The following DPP6 variants were observed in gnomAD, a reference collection of about 807,000 sequenced individuals.
DPP6 encodes A-type potassium channel modulatory protein DPP6.
A neutral mutation model predicts 122.6 loss-of-function variants in DPP6; 69 were observed. The ratio of observed to expected loss-of-function variants is 0.56; its 90% CI spans 0.46 to 0.69. The LOEUF is 0.69. DPP6 is among the 30% of genes least tolerant of loss of function. The pLI is 0.00. For missense variants in DPP6, 928 were observed against 1,116.9 expected (o/e 0.83, Z 2.41); for synonymous variants, 418 against 433.1 (o/e 0.97, Z 0.43).
upstream of DPP6, among the ~76,000 whole-genome samples, chr7:154,050,834 A>G (rs58597627): frequency 0.19 from 25,019 of 134,688 alleles, 2,590 homozygotes; most frequent in African/African-American, 0.22. Flanking sequence ...TTCATAGTAA[A>G]GGGTAACTAC....
chr7:154,161,567 AC>A (rs2150708793), intron 1 of DPP6, among the ~76,000 whole-genome samples: 1 of 141,648 alleles, frequency 7.1e-6, no homozygotes, highest in African/African-American at 2.7e-5. Flanking sequence ...TGCAGAAAGC[AC>A]ACCTCTGTGA....
At chr7:153,899,777 AGT>A (rs1486067338) in intron 1 of DPP6, among the ~76,000 whole-genome samples, 2 of 152,180 alleles carry the variant, frequency 1.3e-5, no homozygotes, top group Non-Finnish European at 2.9e-5. Flanking sequence ...TGTGTAGGTG[AGT>A]GTGAATGTGT....
At chr7:154,536,984 A>G (rs950844459) in intron 3 of DPP6, among the ~76,000 whole-genome samples, 4 of 152,196 alleles carry the variant, frequency 2.6e-5, no homozygotes, top group Non-Finnish European at 4.4e-5. Flanking sequence ...GTTTCAGAAA[A>G]TATATAGGAG....
intron 1 of DPP6, among the ~76,000 whole-genome samples, chr7:154,060,338 C>G (rs1801574656): frequency 1.5e-5 from 2 of 130,492 alleles, no homozygotes; most frequent in African/African-American, 5.6e-5. Context: ...GAGGGGGAGG[C>G]ACCCCCCGCG....
intron 1 of DPP6, among the ~76,000 whole-genome samples, chr7:153,940,881 C>T (rs1281811705): frequency 6.6e-6 from 1 of 152,168 alleles, no homozygotes; most frequent in Non-Finnish European, 1.5e-5. Context: ...CTGGCCTTTT[C>T]TTTCAACCAG....
rs533506523 is a variant in DPP6, at chr7:153,963,876, C to T, written c.51+76142C>T. 1.1e-4 allele frequency among the ~76,000 whole-genome samples: 16 copies of T among 152,292 alleles called. 1 individual carries two copies. The highest frequency in any genetic ancestry group is 2.1e-4 in the South Asian group (1 of 4,826). ...GCTGCTGTAAAGCATGCACAGTGCA[C>T]GAGGCCTGGTTGAGCTCTGAGACTT... On this transcript the variant is annotated intron_variant, in intron 1 of 25. Transcript: ENST00000404039.
chr7:154,781,956 G>A (rs1259991115), intron 10 of DPP6, among the ~76,000 whole-genome samples: 1 of 152,210 alleles, frequency 6.6e-6, no homozygotes, highest in African/African-American at 2.4e-5. Context: ...ATAAAAAATT[G>A]ATATGCTTCT....
intron 1 of DPP6, among the ~76,000 whole-genome samples, chr7:154,333,157 A>G (rs1809103971): frequency 6.6e-6 from 1 of 152,118 alleles, no homozygotes; most frequent in South Asian, 2.1e-4. Flanking sequence ...CTTATTTCCT[A>G]GCATCTTTGA....
intron 1 of DPP6, among the ~76,000 whole-genome samples, chr7:154,082,846 C>CTTT (rs1174987723): frequency 6.6e-5 from 7 of 106,270 alleles, no homozygotes; most frequent in African/African-American, 1.2e-4. Flanking sequence ...TTTTCTTTTT[C>CTTT]TTTTTTTTTT....
intron 7 of DPP6, among the ~76,000 whole-genome samples, chr7:154,694,272 T>C (rs1448296565): frequency 6.6e-6 from 1 of 152,106 alleles, no homozygotes; most frequent in Non-Finnish European, 1.5e-5. Flanking sequence ...GATTTCAACA[T>C]TGGAACTTGG....
At chr7:154,164,121 C>T (rs1797115981) in intron 1 of DPP6, among the ~76,000 whole-genome samples, 1 of 152,050 alleles carries the variant, frequency 6.6e-6, no homozygotes, top group Non-Finnish European at 1.5e-5. Flanking sequence ...CTTGGGCCAT[C>T]GTGTATTTTC....
At chr7:154,249,128 T>C (rs1378545520) in intron 1 of DPP6, among the ~76,000 whole-genome samples, 1 of 152,244 alleles carries the variant, frequency 6.6e-6, no homozygotes, top group African/African-American at 2.4e-5. Context: ...TATAATCTGC[T>C]TTTTTGTTAC....
rs142727459 is a variant in DPP6 at position 154,746,999 on chromosome 7, C to G, written c.883+19112C>G. 6.6e-4 allele frequency among the ~76,000 whole-genome samples: 100 copies of G among 152,318 alleles called. 1 individual carries two copies. The East Asian group carries it at 0.018, about 28-fold the overall frequency. ...GGGGACCATTCGTAGCTGATAATAT[C>G]AGTTACAATCATGCAGGATCATCCA... On this transcript the variant is annotated intron_variant, in intron 8 of 25. Coordinates refer to ENST00000377770, the MANE Select transcript of DPP6 (RefSeq NM_130797.4).
At chr7:154,824,561 G>A (rs1398355276) in intron 16 of DPP6, among the ~76,000 whole-genome samples, 2 of 152,222 alleles carry the variant, frequency 1.3e-5, no homozygotes, top group Non-Finnish European at 1.5e-5. Context: ...TTACAGGTGG[G>A]AGCCACCGTG....
chr7:153,804,806 C>T, the DPP6 span, among the ~76,000 whole-genome samples: 1 of 152,046 alleles, frequency 6.6e-6, no homozygotes, highest in African/African-American at 2.4e-5. Context: ...ATTGCTTGAA[C>T]CCTGGAGGCA....
Position 154,308,828 on chromosome 7 carries a change from TAAGAG to T in DPP6, c.244-137381_244-137377del, listed in dbSNP as rs142911727. 4.8e-3 allele frequency among the ~76,000 whole-genome samples: 724 copies of T among 152,350 alleles called. 6 individuals carry two copies. Among genetic ancestry groups the T allele is most frequent in the East Asian group, 0.012 (63 of 5,184 alleles). On this transcript the variant is annotated intron_variant, in intron 1 of 25. Transcript: ENST00000377770. ...GAAAAGCAGTGATCAGTAAAGCTATTAAGAGAAGACGAAAAATTAATTCCCTCTGC... is the reference window on the plus strand; with the variant it reads ...GAAAAGCAGTGATCAGTAAAGCTATTAAGACGAAAAATTAATTCCCTCTGC...
chr7:154,086,701 C>T (rs6960545), intron 1 of DPP6, among the ~76,000 whole-genome samples: 54,252 of 150,696 alleles, frequency 0.36, 10,827 homozygotes, highest in East Asian at 0.47. Context: ...TCACTGCAAC[C>T]TCTGCCTCCC....
the DPP6 span, among the ~76,000 whole-genome samples, chr7:153,808,568 C>T: frequency 3.9e-5 from 6 of 152,002 alleles, 1 homozygote; most frequent in African/African-American, 1.5e-4. Context: ...AGGTTGTAAC[C>T]TTTGACCAAG....
intron 1 of DPP6, among the ~76,000 whole-genome samples, chr7:154,333,640 T>A (rs76136882): frequency 2.8e-3 from 422 of 152,372 alleles, no homozygotes; most frequent in Non-Finnish European, 4.9e-3. Context: ...AGCATAGTTT[T>A]TCTTCATTGT....
Sources: allele counts gnomAD v4.1 joint callset (sites outside exome capture counted in the v4.1 genomes callset), GRCh38; gene constraint gnomAD v4.1.1; transcripts MANE v1.5; gene names NCBI Gene and HGNC (gene_info 2026-07-23, HGNC 2026-07-21).